The following ZNF469 variants were observed in gnomAD, a reference collection of about 807,000 sequenced individuals.
ZNF469 encodes zinc finger protein 469.
Under a neutral mutation model 1.0 loss-of-function variants are expected in ZNF469, and 1 was observed. That is an observed-to-expected ratio of 1.00 (90% CI 0.35 to 4.73). The LOEUF (loss-of-function observed/expected upper bound fraction) is 4.73, where lower values mean the gene tolerates loss of function less well. ZNF469 is among the 30% of genes most tolerant of loss of function. The pLI, the probability that ZNF469 is intolerant of heterozygous loss-of-function variation, is 0.16. For missense variants in ZNF469, 6,100 were observed against 5,356.3 expected, an observed-to-expected ratio of 1.14 and a Z score of -4.33; for synonymous variants, 2,703 against 2,363.4, an observed-to-expected ratio of 1.14 and a Z score of -4.17.
the ZNF469 span, among the ~76,000 whole-genome samples, chr16:88,133,682 TA>T: frequency 1.3e-5 from 2 of 151,502 alleles, no homozygotes; most frequent in Non-Finnish European, 2.9e-5. Context: ...TAAAATCAAA[TA>T]ATTATTAAAT....
At chr16:88,198,493 C>T in the ZNF469 span, among the ~76,000 whole-genome samples, 8 of 152,334 alleles carry the variant, frequency 5.3e-5, no homozygotes, top group East Asian at 1.5e-3. Flanking sequence ...ACGTGACTGT[C>T]GAGCTCTGGA....
At chr16:88,319,310 T>C in the ZNF469 span, among the ~76,000 whole-genome samples, 1 of 152,232 alleles carries the variant, frequency 6.6e-6, no homozygotes, top group East Asian at 1.9e-4. Context: ...CCTAAACAAA[T>C]GCACTCAGGC....
chr16:88,344,257 T>TG, the ZNF469 span, among the ~76,000 whole-genome samples: 4 of 129,422 alleles, frequency 3.1e-5, no homozygotes, highest in South Asian at 6.0e-4. Flanking sequence ...GAAGAGGCGA[T>TG]GGGGGGGCGG....
the ZNF469 span, among the ~76,000 whole-genome samples, chr16:88,186,545 G>T: frequency 6.6e-6 from 1 of 152,180 alleles, no homozygotes; most frequent in South Asian, 2.1e-4. Flanking sequence ...TTTTCCGACC[G>T]CCTCTGCTCC....
At chr16:88,340,473 C>T in the ZNF469 span, among the ~76,000 whole-genome samples, 1 of 152,218 alleles carries the variant, frequency 6.6e-6, no homozygotes, top group Admixed American at 6.5e-5. Context: ...TATAATGAAC[C>T]AGGTGACATA....
the ZNF469 span, among the ~76,000 whole-genome samples, chr16:88,212,253 G>C: frequency 6.6e-6 from 1 of 152,194 alleles, no homozygotes; most frequent in Admixed American, 6.5e-5. Flanking sequence ...CAGTCACCTG[G>C]TGGATCCTTG....
the ZNF469 span, among the ~76,000 whole-genome samples, chr16:88,293,920 A>G: frequency 6.6e-6 from 1 of 152,126 alleles, no homozygotes; most frequent in Admixed American, 6.5e-5. Context: ...AGTGGGGTTC[A>G]CGTGACACAG....
At chr16:88,242,977 G>T in the ZNF469 span, among the ~76,000 whole-genome samples, 1 of 152,170 alleles carries the variant, frequency 6.6e-6, no homozygotes. Flanking sequence ...TCAGCTCACC[G>T]AACCCCACAG....
chr16:88,133,027 C>T, the ZNF469 span, among the ~76,000 whole-genome samples: 8 of 152,298 alleles, frequency 5.3e-5, no homozygotes, highest in Admixed American at 1.3e-4. Context: ...GACCCGTGGG[C>T]AGCTCCCATG....
the ZNF469 span, among the ~76,000 whole-genome samples, chr16:88,244,357 GTGGATGGA>G: frequency 6.8e-6 from 1 of 146,780 alleles, no homozygotes; most frequent in Non-Finnish European, 1.5e-5. Context: ...GGGTGAATGG[GTGGATGGA>G]TGGATGGGTG....
At chr16:88,102,391 G>A in the ZNF469 span, among the ~76,000 whole-genome samples, 17 of 152,158 alleles carry the variant, frequency 1.1e-4, no homozygotes, top group Non-Finnish European at 2.5e-4. Flanking sequence ...GTGGTGGCAG[G>A]CACCTGTAAT....
chr16:88,145,748 G>A, the ZNF469 span, among the ~76,000 whole-genome samples: 2 of 152,238 alleles, frequency 1.3e-5, no homozygotes, highest in Non-Finnish European at 2.9e-5. Flanking sequence ...TTAGGGTGCT[G>A]CCCCAGCCCC....
At chr16:88,309,322 G>A in the ZNF469 span, among the ~76,000 whole-genome samples, 2 of 152,234 alleles carry the variant, frequency 1.3e-5, no homozygotes, top group Non-Finnish European at 2.9e-5. Context: ...CTCCGAGCTG[G>A]GCCAGGAGGA....
At chr16:88,118,354 C>T in the ZNF469 span, among the ~76,000 whole-genome samples, 1 of 152,192 alleles carries the variant, frequency 6.6e-6, no homozygotes, top group East Asian at 1.9e-4. Flanking sequence ...AGTTTTTTCA[C>T]GGGCTCTCCA....
the ZNF469 span, among the ~76,000 whole-genome samples, chr16:88,136,568 A>G: frequency 6.6e-6 from 1 of 152,252 alleles, no homozygotes; most frequent in Non-Finnish European, 1.5e-5. Flanking sequence ...TGCCCTTCAC[A>G]AATAAACCTA....
chr16:88,414,925 A>G (rs373598714), intron 1 of ZNF469, among the ~76,000 whole-genome samples: 9 of 152,322 alleles, frequency 5.9e-5, no homozygotes, highest in African/African-American at 2.2e-4. Flanking sequence ...CCAGCTGCCC[A>G]GAGACCAGCT....
the ZNF469 span, among the ~76,000 whole-genome samples, chr16:88,266,922 A>G: frequency 6.6e-6 from 1 of 152,248 alleles, no homozygotes; most frequent in Non-Finnish European, 1.5e-5. Context: ...ATCAGTGTTT[A>G]TAGGTGTGAG....
chr16:88,377,465 AC>A, the ZNF469 span, among the ~76,000 whole-genome samples: 1 of 152,056 alleles, frequency 6.6e-6, no homozygotes, highest in African/African-American at 2.4e-5. Context: ...CCTCGAGGCC[AC>A]CCCTGTCCAC....
the ZNF469 span, among the ~76,000 whole-genome samples, chr16:88,109,778 G>C: frequency 6.6e-6 from 1 of 151,606 alleles, no homozygotes; most frequent in Non-Finnish European, 1.5e-5. Flanking sequence ...ATCAGGAGGT[G>C]CTGTGCGTCT....
Sources: allele counts gnomAD v4.1 joint callset (sites outside exome capture counted in the v4.1 genomes callset), GRCh38; gene constraint gnomAD v4.1.1; transcripts MANE v1.5; gene names NCBI Gene and HGNC (gene_info 2026-07-23, HGNC 2026-07-21).